Variants in GPHN observed in about 807,000 individuals in gnomAD.
GPHN encodes the protein gephyrin.
Under a neutral mutation model 95.5 loss-of-function variants are expected in GPHN, and 17 were observed. That is an observed-to-expected ratio of 0.18 (90% confidence interval 0.12 to 0.27). The LOEUF (loss-of-function observed/expected upper bound fraction) is 0.27, where lower values mean the gene tolerates loss of function less well. Among genes scored for constraint, GPHN ranks in the 10% least tolerant of loss-of-function variants. GPHN has a pLI of 1.00. For missense variants in GPHN, 660 were observed against 978.1 expected, an observed-to-expected ratio of 0.67 and a Z score of 4.34; for synonymous variants, 320 against 322.5, an observed-to-expected ratio of 0.99 and a Z score of 0.08.
At position 66,773,940 on chromosome 14, in the gene GPHN, T is replaced by G. The variant is rs141102902; in HGVS notation, c.144-2524T>G. On this transcript the variant is annotated intron_variant, in intron 2 of 22. Coordinates refer to ENST00000478722, the MANE Select transcript of GPHN (RefSeq NM_020806.5). ...ATCATTGGGCCCTAGATAATCTTTA[T>G]ATTTTGTCATCTTGACTGCTGACAT... Among the ~76,000 whole-genome samples, 11 of 151,996 alleles carry G rather than the reference T, an allele frequency of 7.2e-5. No homozygotes were observed. The South Asian group carries it at 1.0e-3, about 14-fold the overall frequency.
At chr14:66,742,696 T>C (rs756689266) in intron 2 of GPHN, among the ~76,000 whole-genome samples, 3 of 152,242 alleles carry the variant, frequency 2.0e-5, no homozygotes, top group Non-Finnish European at 2.9e-5. Flanking sequence ...GTTGATTTTA[T>C]TTCTGCTTAT....
Position 66,779,661 on chromosome 14 carries a change from C to A in GPHN, c.201+3140C>A, listed in dbSNP as rs1027058286. ...GCAAAGTCTTTCCAAGAGGTAACCC[C>A]CAGGAAATTGGAGTTTTATACAGAA... On this transcript the variant is annotated intron_variant, in intron 3 of 22. Coordinates refer to ENST00000478722, the MANE Select transcript of GPHN (RefSeq NM_020806.5). Among the ~76,000 whole-genome samples, 3 of 151,760 alleles carry A rather than the reference C, an allele frequency of 2.0e-5. No individual in the cohort carries two copies. The South Asian group carries it at 6.3e-4, about 32-fold the overall frequency.
intron 9 of GPHN, among the ~76,000 whole-genome samples, chr14:66,981,608 T>A (rs1014641882): frequency 6.6e-6 from 1 of 152,136 alleles, no homozygotes; most frequent in Non-Finnish European, 1.5e-5. Context: ...ATAATTTTTT[T>A]AAAAAGCCAT....
At chr14:67,272,178 T>G in the GPHN span, 1 of 152,214 alleles carries the variant, frequency 6.6e-6, no homozygotes, top group East Asian at 1.9e-4. Context: ...GATTCTCTTA[T>G]TCTATGGAAT....
chr14:67,214,810 C>T, the GPHN span, among the ~76,000 whole-genome samples: 1 of 152,088 alleles, frequency 6.6e-6, no homozygotes, highest in African/African-American at 2.4e-5. Flanking sequence ...ATGGAATGTT[C>T]TTCCATTTAT....
chr14:67,246,194 T>G, the GPHN span, among the ~76,000 whole-genome samples: 1 of 152,108 alleles, frequency 6.6e-6, no homozygotes, highest in South Asian at 2.1e-4. Context: ...CAGGCTGGAG[T>G]GCAGTGGTGT....
chr14:66,704,924 T>A (rs1036314734), intron 2 of GPHN, among the ~76,000 whole-genome samples: 41 of 152,028 alleles, frequency 2.7e-4, no homozygotes, highest in African/African-American at 8.2e-4. Context: ...CTAGCCAGAC[T>A]AGTAAAGAAG....
At chr14:67,500,471 A>T in the GPHN span, among the ~76,000 whole-genome samples, 5 of 152,164 alleles carry the variant, frequency 3.3e-5, no homozygotes, top group East Asian at 9.6e-4. Flanking sequence ...GTGACACTCC[A>T]TCTCAAACAA....
rs771237421 is a variant in GPHN, at chr14:67,111,848, G to T, written c.1414-13G>T. The T allele has an allele frequency of 6.2e-7, 1 of 1,606,270 alleles. No individual in the cohort carries two copies. The highest frequency in any genetic ancestry group is 1.3e-5 in the African/African-American group (1 of 74,760). On this transcript the variant is annotated splice_polypyrimidine_tract_variant and intron_variant, in intron 14 of 22. Transcript: ENST00000478722. ...AATTCTGTTTGAAATTACATGACCG[G>T]CTGTTATTATAGGGCACTGAAGAAC...
At chr14:66,802,230 A>G (rs1464057627) in intron 3 of GPHN, among the ~76,000 whole-genome samples, 1 of 152,094 alleles carries the variant, frequency 6.6e-6, no homozygotes, top group East Asian at 1.9e-4. Context: ...GAGGAGCCTA[A>G]CCCCATGGCA....
the GPHN span, among the ~76,000 whole-genome samples, chr14:67,229,702 T>C: frequency 1.3e-5 from 2 of 152,194 alleles, no homozygotes; most frequent in African/African-American, 4.8e-5. Context: ...GATTATATGT[T>C]TAAATGATAA....
At chr14:66,623,423 T>A (rs2063388522) in intron 1 of GPHN, among the ~76,000 whole-genome samples, 1 of 152,048 alleles carries the variant, frequency 6.6e-6, no homozygotes, top group African/African-American at 2.4e-5. Flanking sequence ...TGTGACTGGC[T>A]GCTCAAAGCT....
chr14:67,255,039 C>T, the GPHN span, among the ~76,000 whole-genome samples: 2 of 152,156 alleles, frequency 1.3e-5, no homozygotes, highest in African/African-American at 4.8e-5. Flanking sequence ...GTCCCAGCTA[C>T]TCAGGAGGCT....
chr14:67,637,325 C>T, the GPHN span, among the ~76,000 whole-genome samples: 1 of 150,830 alleles, frequency 6.6e-6, no homozygotes, highest in South Asian at 2.1e-4. Flanking sequence ...GCAGCAGAGC[C>T]CCTTGAACCA....
the GPHN span, among the ~76,000 whole-genome samples, chr14:67,715,990 T>TA: frequency 2.0e-5 from 3 of 151,912 alleles, no homozygotes; most frequent in Non-Finnish European, 2.9e-5. Flanking sequence ...GGTCAAGAGA[T>TA]AGAGACCATC....
chr14:67,060,765 C>G (rs1453003547), intron 11 of GPHN, among the ~76,000 whole-genome samples: 1 of 151,962 alleles, frequency 6.6e-6, no homozygotes, highest in African/African-American at 2.4e-5. Context: ...TTTTCTTTGG[C>G]TCTTTTCACA....
Position 67,143,367 on chromosome 14 carries a change from A to G in GPHN, c.1754A>G (p.Asp585Gly). 2 of 1,603,742 alleles carry G rather than the reference A, an allele frequency of 1.2e-6. No individual in the cohort carries two copies. Among genetic ancestry groups the G allele is most frequent in the Non-Finnish European group, 1.7e-6 (2 of 1,170,566 alleles). Residue 585 changes from aspartate to glycine, a missense_variant, in exon 18 of 23, where the codon GAT (aspartate) becomes GGT (glycine). By Grantham distance (94) the Asp-to-Gly change is moderately conservative. Transcript: ENST00000478722. ...INLGIVGDNP[D>G]DLLNALNEGI... is the part of the protein sequence containing the mutation. ...TTGTCTTTATTTTTTTCCAGCCCAG[A>G]TGACTTACTCAATGCCTTGAATGAG... is the stretch of plus-strand genomic sequence containing the variant.
chr14:66,543,183 C>A (rs778436539), intron 1 of GPHN, among the ~76,000 whole-genome samples: 9 of 152,104 alleles, frequency 5.9e-5, no homozygotes, highest in Admixed American at 1.3e-4. Flanking sequence ...TACCAGGCCC[C>A]ACCCCCAGCA....
At chr14:66,605,860 TG>T (rs2062507277) in intron 1 of GPHN, among the ~76,000 whole-genome samples, 1 of 152,074 alleles carries the variant, frequency 6.6e-6, no homozygotes, top group Non-Finnish European at 1.5e-5. Flanking sequence ...ATTTGTTTTT[TG>T]CTTGTTGATT....
Sources: gnomAD v4.1 joint callset for allele counts (sites outside exome capture counted in the v4.1 genomes callset) on GRCh38, gnomAD v4.1.1 for gene constraint, MANE v1.5 for transcripts, NCBI Gene and HGNC (gene_info 2026-07-23, HGNC 2026-07-21) for gene names.